RBM17: variants seen among roughly 807,000 people sequenced by gnomAD.
RBM17 encodes splicing factor 45.
In RBM17, 7 loss-of-function variants were observed where a neutral mutation model predicts 53.2. The observed-to-expected ratio is 0.13, with a 90% confidence interval of 0.07 to 0.25. The LOEUF is 0.25. Among genes scored for constraint, RBM17 ranks in the 10% least tolerant of loss-of-function variants. The probability of loss-of-function intolerance (pLI) is 1.00; values close to 1 mark genes in which losing one functional copy is unlikely to be tolerated. For missense variants in RBM17, 257 were observed against 496.7 expected, an observed-to-expected ratio of 0.52 and a Z score of 4.59; for synonymous variants, 167 against 178.1, an observed-to-expected ratio of 0.94 and a Z score of 0.50.
At chr10:6,107,216 G>T (rs979439175) in intron 5 of RBM17, among the ~76,000 whole-genome samples, 3 of 152,192 alleles carry the variant, frequency 2.0e-5, no homozygotes, top group Non-Finnish European at 4.4e-5. Context: ...TCACTCTGTT[G>T]CCCAGGCAGG....
chr10:6,115,530 G>A lies in RBM17; in HGVS notation c.1180G>A (p.Val394Ile), dbSNP rs966114911. The A allele has an allele frequency of 6.2e-7, 1 of 1,612,526 alleles. No individual in the cohort carries two copies. The highest frequency in any genetic ancestry group is 8.5e-7 in the Non-Finnish European group (1 of 1,178,812). ...TTTCTACAATTTGGACAAATTCAGG[G>A]TCTTGGATTTGGCAGAACAAGTTTG... is the stretch of plus-strand genomic sequence containing the variant. ...ACFYNLDKFRVLDLAEQV is the reference protein window; with the variant it reads ...ACFYNLDKFRILDLAEQV The change falls in exon 12 of 12, where the codon GTC becomes ATC. Residue 394 changes from valine (V) to isoleucine (I), a missense_variant. Around this residue, in one of 6 missense-constraint regions of RBM17, gnomAD observed 8 missense variants for 19.2 expected, o/e 0.42. Transcript: ENST00000379888.
chr10:6,112,533 A>G lies in RBM17; in HGVS notation c.856+172A>G, dbSNP rs935495637. The stretch of plus-strand genomic sequence containing the variant: ...ACAGGCCGTCCTGTTCATATGATGC[A>G]CTGCCACTTCCGTTTTGTGAAACCA... On this transcript the variant is annotated intron_variant, in intron 8 of 11. Coordinates refer to ENST00000379888, the MANE Select transcript of RBM17 (RefSeq NM_032905.5). The surrounding 1 kb of genome is among the most constrained non-coding windows in gnomAD (Gnocchi z 4.4). 6 of 707,834 alleles carry G rather than the reference A, an allele frequency of 8.5e-6. No individual in the cohort carries two copies. In the Admixed American group the frequency reaches 1.0e-4, roughly 12 times the overall value. 43.8% of individuals were successfully genotyped at this position (707,834 alleles called of 1,614,324 possible).
intron 6 of RBM17, 89 bp from the exon 7 acceptor site, chr10:6,109,897 A>G (rs1840811732): frequency 2.6e-6 from 3 of 1,141,516 alleles, no homozygotes; most frequent in Non-Finnish European, 3.6e-6. Context: ...AGTAGGTTAA[A>G]TTTGTTCAAG....
intron 7 of RBM17, among the ~76,000 whole-genome samples, chr10:6,111,931 C>T (rs1001358861): frequency 1.3e-5 from 2 of 152,134 alleles, no homozygotes; most frequent in African/African-American, 4.8e-5. Context: ...CTTGTGTTTC[C>T]TAGCAGGGCA....
intron 1 of RBM17, 103 bp from the exon 2 acceptor site, chr10:6,096,945 G>C (rs1403671717): frequency 1.9e-6 from 2 of 1,044,344 alleles, no homozygotes; most frequent in African/African-American, 1.6e-5. Flanking sequence ...GTTGCTGAAA[G>C]GTCCTGGACC....
At position 6,097,071 on chromosome 10, in the gene RBM17, C is replaced by T. The variant is rs1840587897; in HGVS notation, c.6C>T (p.Ser2=). The T allele has an allele frequency of 6.2e-7, 1 of 1,613,072 alleles. No homozygotes were observed. Among genetic ancestry groups the T allele is most frequent in the Non-Finnish European group, 8.5e-7 (1 of 1,179,866 alleles). ...AGCATTAAACTGAAGAAAAGATGTCCCTGTACGATGACCTAGGAGTGGAGA... is the reference window on the plus strand; with the variant it reads ...AGCATTAAACTGAAGAAAAGATGTCTCTGTACGATGACCTAGGAGTGGAGA... M[S]LYDDLGVETS... is the part of the protein sequence containing the mutation. Residue 2 remains serine, a synonymous_variant, in exon 2 of 12, where the codon TCC becomes TCT. Transcript: ENST00000379888.
intron 5 of RBM17, among the ~76,000 whole-genome samples, chr10:6,107,169 C>A (rs1246346703): frequency 6.6e-6 from 1 of 152,164 alleles, no homozygotes; most frequent in Admixed American, 6.5e-5. Flanking sequence ...TAGAATAATT[C>A]TTTAGAAGAA....
chr10:6,113,379 C>T lies in RBM17; in HGVS notation c.857-129C>T, dbSNP rs796814806. On this transcript the variant is annotated intron_variant, in intron 8 of 11. Coordinates refer to ENST00000379888, the MANE Select transcript of RBM17 (RefSeq NM_032905.5). ...GCTCAGAGACCAATTGTGTAGATGC[C>T]TAGGACATAAATGGTGGGGATCGCT... 16 of 670,204 alleles carry T rather than the reference C, an allele frequency of 2.4e-5. No homozygotes were observed. The African/African-American group carries it at 2.7e-4, about 11-fold the overall frequency. 41.5% of individuals were successfully genotyped at this position (670,204 alleles called of 1,614,324 possible).
intron 3 of RBM17, among the ~76,000 whole-genome samples, chr10:6,103,419 T>C (rs1289604293): frequency 6.6e-6 from 1 of 152,240 alleles, no homozygotes; most frequent in Non-Finnish European, 1.5e-5. Flanking sequence ...AATTTTGAAG[T>C]GTCAGAGAAT....
At chr10:6,110,604 T>G (rs1487864014) in intron 7 of RBM17, among the ~76,000 whole-genome samples, 4 of 152,230 alleles carry the variant, frequency 2.6e-5, no homozygotes, top group Admixed American at 2.0e-4. Context: ...ACTGTAAGGC[T>G]GACGCTCAGG....
At chr10:6,113,191 A>C (rs931284986) in intron 8 of RBM17, 1 of 223,182 alleles carries the variant, frequency 4.5e-6, no homozygotes, top group African/African-American at 2.3e-5. Context: ...GCTCCAAGTC[A>C]ACTCACCTAT....
intron 3 of RBM17, among the ~76,000 whole-genome samples, chr10:6,103,075 A>G (rs1415807211): frequency 6.6e-6 from 1 of 152,208 alleles, no homozygotes; most frequent in Non-Finnish European, 1.5e-5. Flanking sequence ...TACAGGCATG[A>G]GCCACTGCAC....
intron 1 of RBM17, among the ~76,000 whole-genome samples, chr10:6,093,280 C>A (rs1020151011): frequency 2.6e-5 from 4 of 152,124 alleles, no homozygotes; most frequent in Non-Finnish European, 5.9e-5. Context: ...GTGGTGCAAT[C>A]TTGGCTCACT....
rs1033892565 is a variant in RBM17 at position 6,116,924 on chromosome 10, G to T, written c.*1368G>T. The T allele has an allele frequency of 5.3e-5, 8 of 152,294 alleles. No individual in the cohort carries two copies. The highest frequency in any genetic ancestry group is 1.9e-4 in the African/African-American group (8 of 41,432). The allele number at this position is 152,294 out of a possible 1,614,324, so 9.4% of individuals were successfully genotyped here. ...GTAAGTTGGGGTTAAGGAATGTGAG[G>T]TAAATTACATAATTGAACATTGTGG... On this transcript the variant is annotated 3_prime_UTR_variant, in exon 12 of 12. Coordinates refer to ENST00000379888, the MANE Select transcript of RBM17 (RefSeq NM_032905.5).
chr10:6,114,999 T>G (rs752357701), intron 10 of RBM17: 62 of 471,526 alleles, frequency 1.3e-4, no homozygotes, highest in Non-Finnish European at 2.1e-4. Context: ...ACAGGGCCTT[T>G]ATGAGGTCAG....
At chr10:6,103,695 G>A (rs551110839) in intron 3 of RBM17, among the ~76,000 whole-genome samples, 58 of 152,290 alleles carry the variant, frequency 3.8e-4, no homozygotes, top group African/African-American at 1.4e-3. Flanking sequence ...TTGGATCATA[G>A]CATTTCCTGA....
intron 2 of RBM17, among the ~76,000 whole-genome samples, chr10:6,097,684 C>G (rs1345371968): frequency 6.6e-6 from 1 of 152,166 alleles, no homozygotes; most frequent in African/African-American, 2.4e-5. Context: ...AACAAACAAA[C>G]AAACAAACAA....
intron 7 of RBM17, among the ~76,000 whole-genome samples, chr10:6,111,550 G>C (rs1185470492): frequency 2.0e-5 from 3 of 152,188 alleles, no homozygotes; most frequent in Non-Finnish European, 4.4e-5. Flanking sequence ...ATGTTGGCCA[G>C]GCTGGTCTTG....
At chr10:6,096,446 T>A (rs1275836913) in intron 1 of RBM17, among the ~76,000 whole-genome samples, 1 of 152,238 alleles carries the variant, frequency 6.6e-6, no homozygotes, top group Non-Finnish European at 1.5e-5. Context: ...ACATGCAGAT[T>A]GTTGATTGTC....
Sources: gnomAD v4.1 joint callset for allele counts (sites outside exome capture counted in the v4.1 genomes callset) on GRCh38, gnomAD v4.1.1 for gene constraint, gnomAD v4.1.1 regional missense constraint, Gnocchi (gnomAD v3.1) non-coding constraint, MANE v1.5 for transcripts, NCBI Gene and HGNC (gene_info 2026-07-23, HGNC 2026-07-21) for gene names.